The following CACNA1C variants were observed in gnomAD, a reference collection of about 807,000 sequenced individuals.
The protein encoded by CACNA1C is voltage-dependent L-type calcium channel subunit alpha-1C.
In CACNA1C, 30 loss-of-function variants were observed where a neutral mutation model predicts 229.0. That is an observed-to-expected ratio of 0.13 (90% CI 0.10 to 0.18). CACNA1C has a LOEUF of 0.18. Among genes scored for constraint, CACNA1C ranks in the 10% least tolerant of loss-of-function variants. The probability of loss-of-function intolerance (pLI) is 1.00; values close to 1 mark genes in which losing one functional copy is unlikely to be tolerated. For synonymous variants in CACNA1C, 1,114 were observed against 1,132.5 expected (o/e 0.98, Z 0.33); for missense variants, 1,658 against 2,845.0 (o/e 0.58, Z 9.49).
intron 6 of CACNA1C, among the ~76,000 whole-genome samples, chr12:2,489,030 C>G (rs1240002634): frequency 6.6e-6 from 1 of 152,212 alleles, no homozygotes; most frequent in East Asian, 1.9e-4. Flanking sequence ...CAAATACTTG[C>G]AGGCTTTGAA....
rs545593667 is a variant in CACNA1C, at chr12:2,229,848, G to A, written c.477+109418G>A. 5.3e-5 allele frequency among the ~76,000 whole-genome samples: 8 copies of A among 152,316 alleles called. No individual in the cohort carries two copies. In the South Asian group the frequency reaches 1.0e-3, roughly 20 times the overall value. On this transcript the variant is annotated intron_variant, in intron 3 of 46. Coordinates refer to ENST00000399655, the MANE Select transcript of CACNA1C (RefSeq NM_000719.7). Reference sequence around the variant, plus strand: ...GGTCCCGAGGCGGGCGGAGCAGGGCGTTGCAGGCCACGGTGAGCACGGCAG... The same window carrying A: ...GGTCCCGAGGCGGGCGGAGCAGGGCATTGCAGGCCACGGTGAGCACGGCAG...
intron 13 of CACNA1C, among the ~76,000 whole-genome samples, chr12:2,572,888 C>T (rs1330009367): frequency 1.6e-5 from 2 of 124,710 alleles, no homozygotes; most frequent in African/African-American, 6.1e-5. Flanking sequence ...CTTCTCCTCT[C>T]CTCCTCTTCT....
At chr12:1,991,998 A>G (rs895033546) in intron 1 of CACNA1C, 1 of 249,804 alleles carries the variant, frequency 4.0e-6, no homozygotes, top group Non-Finnish European at 8.7e-6. Context: ...AAACCCTGAC[A>G]TAACTATAAG....
At position 2,694,659 on chromosome 12, in the gene CACNA1C, T is replaced by A. The variant is rs2097823783; in HGVS notation, c.*3460T>A. 6.6e-6 allele frequency: 1 copy of A among 152,262 alleles called. No homozygotes were observed. The highest frequency in any genetic ancestry group is 2.1e-4 in the South Asian group (1 of 4,826). The allele number at this position is 152,262 out of a possible 1,614,324, so 9.4% of individuals were successfully genotyped here. A position where few individuals can be genotyped will look rare whatever the true frequency, so the allele number is the denominator to read the frequency against. On this transcript the variant is annotated 3_prime_UTR_variant, in exon 47 of 47. Coordinates refer to ENST00000399655, the MANE Select transcript of CACNA1C (RefSeq NM_000719.7). Reference sequence around the variant, plus strand: ...TGCTTGTCTGGAGTGAAGCTACCCGTTACTTTCTCCCAGCTTTTCTCCACC... The same window carrying A: ...TGCTTGTCTGGAGTGAAGCTACCCGATACTTTCTCCCAGCTTTTCTCCACC...
At chr12:2,681,967 T>G in intron 42 of CACNA1C, 1 of 1,606,250 alleles carries the variant, frequency 6.2e-7, no homozygotes, top group Non-Finnish European at 8.5e-7. Flanking sequence ...CACGTTCCGA[T>G]GTGTGAGGAT....
At position 2,674,850 on chromosome 12, in the gene CACNA1C, G is replaced by A. The variant is rs140404431; in HGVS notation, c.4828+208G>A. On this transcript the variant is annotated intron_variant, in intron 39 of 46. Coordinates refer to ENST00000399655, the MANE Select transcript of CACNA1C (RefSeq NM_000719.7). The stretch of plus-strand genomic sequence containing the variant: ...TGGTTAGAAGGGAGGCAGGTGCAAC[G>A]CCCTGCACAAACTCAGAAACAGAAA... Among the ~76,000 whole-genome samples the A allele has an allele frequency of 3.3e-4, 50 of 152,326 alleles. No individual in the cohort carries two copies. The East Asian group carries it at 8.1e-3, about 25-fold the overall frequency.
chr12:2,457,560 C>G lies in CACNA1C; in HGVS notation c.618-7C>G. The G allele has an allele frequency of 1.2e-6, 2 of 1,610,880 alleles. No individual in the cohort carries two copies. The highest frequency in any genetic ancestry group is 2.2e-5 in the East Asian group (1 of 44,732). ...CTGACAGTCCTTCTCTCTTTCCTCT[C>G]TTCTAGGCTTTTTAGTGCAATTTTA... On this transcript the variant is annotated splice_region_variant and splice_polypyrimidine_tract_variant and intron_variant, in intron 4 of 46. Transcript: ENST00000399655.
intron 5 of CACNA1C, among the ~76,000 whole-genome samples, chr12:2,470,681 G>A (rs1326268797): frequency 2.0e-5 from 3 of 152,114 alleles, no homozygotes; most frequent in Admixed American, 6.5e-5. Flanking sequence ...GTTGTTGTGA[G>A]GATTAAATAA....
intron 42 of CACNA1C, among the ~76,000 whole-genome samples, chr12:2,681,483 T>C (rs545336005): frequency 1.3e-5 from 2 of 152,284 alleles, no homozygotes; most frequent in African/African-American, 4.8e-5. Context: ...TAACGGCAGC[T>C]CTAGTGCCAG....
At chr12:2,545,426 T>C in intron 9 of CACNA1C, among the ~76,000 whole-genome samples, 1 of 152,070 alleles carries the variant, frequency 6.6e-6, no homozygotes, top group East Asian at 1.9e-4. Context: ...CTCATCTTCT[T>C]CATTATGCTC....
chr12:2,562,406 T>C (rs2047979827), intron 11 of CACNA1C, among the ~76,000 whole-genome samples: 2 of 152,356 alleles, frequency 1.3e-5, no homozygotes, highest in South Asian at 2.1e-4. Context: ...ACATGTTCTT[T>C]GCAAACTTCA....
chr12:2,564,623 C>G (rs1006967324), intron 11 of CACNA1C, among the ~76,000 whole-genome samples: 1 of 152,176 alleles, frequency 6.6e-6, no homozygotes, highest in Non-Finnish European at 1.5e-5. Context: ...TCCCGCTCCT[C>G]TGGCCCTCCT....
chr12:2,582,304 C>T (rs528318114), intron 14 of CACNA1C, among the ~76,000 whole-genome samples: 1 of 152,210 alleles, frequency 6.6e-6, no homozygotes, highest in South Asian at 2.1e-4. Context: ...ATTACTAGCC[C>T]ATCAAATTTG....
chr12:2,338,682 G>A (rs578198599), intron 3 of CACNA1C, among the ~76,000 whole-genome samples: 2 of 152,268 alleles, frequency 1.3e-5, no homozygotes, highest in African/African-American at 2.4e-5. Context: ...TTGGAGCAGC[G>A]AGCGACCCGG....
chr12:2,442,454 G>T (rs1437209365), intron 3 of CACNA1C, among the ~76,000 whole-genome samples: 1 of 152,178 alleles, frequency 6.6e-6, no homozygotes, highest in Admixed American at 6.5e-5. Flanking sequence ...AAATGGAATT[G>T]AAGAGAAAGT....
chr12:2,442,129 CATT>C lies in CACNA1C; in HGVS notation c.478-6840_478-6838del, dbSNP rs1417260842. Among the ~76,000 whole-genome samples, 32 of 152,302 alleles carry C rather than the reference CATT, an allele frequency of 2.1e-4. No individual in the cohort carries two copies. In the South Asian group the frequency reaches 4.1e-3, roughly 20 times the overall value. On this transcript the variant is annotated intron_variant, in intron 3 of 46. Transcript: ENST00000399655. ...AGACTTCTCATCAGTAAAGACTCAT[CATT>C]ATTATTCTCATTCTTGAGTCTTTGT... is the stretch of plus-strand genomic sequence containing the variant.
intron 1 of CACNA1C, among the ~76,000 whole-genome samples, chr12:2,097,892 G>T (rs1005995967): frequency 6.6e-6 from 1 of 152,212 alleles, no homozygotes; most frequent in African/African-American, 2.4e-5. Flanking sequence ...TGGGAGTGGG[G>T]GATGAGGCCG....
At chr12:2,095,471 G>A (rs1229298729) in intron 1 of CACNA1C, among the ~76,000 whole-genome samples, 2 of 152,212 alleles carry the variant, frequency 1.3e-5, no homozygotes, top group African/African-American at 4.8e-5. Context: ...CTGCTTTCGG[G>A]TTCTTAAAGA....
intron 3 of CACNA1C, among the ~76,000 whole-genome samples, chr12:2,421,245 A>G (rs1383258331): frequency 6.6e-6 from 1 of 152,232 alleles, no homozygotes; most frequent in Non-Finnish European, 1.5e-5. Context: ...TTTTGCTAGG[A>G]TAATCTGCCC....
Sources: gnomAD v4.1 joint callset for allele counts (sites outside exome capture counted in the v4.1 genomes callset) on GRCh38, gnomAD v4.1.1 for gene constraint, MANE v1.5 for transcripts, NCBI Gene and HGNC (gene_info 2026-07-23, HGNC 2026-07-21) for gene names.